PCDHGA2: variants seen among roughly 807,000 people sequenced by gnomAD.
PCDHGA2 encodes the protein protocadherin gamma subfamily A, 2.
In PCDHGA2, 40 loss-of-function variants were observed where a neutral mutation model predicts 59.2. That is an observed-to-expected ratio of 0.68 (90% confidence interval 0.52 to 0.88). The LOEUF is 0.88. PCDHGA2 is among the 40% of genes least tolerant of loss of function. The probability of loss-of-function intolerance (pLI) is 0.00; values close to 1 mark genes in which losing one functional copy is unlikely to be tolerated. For missense variants in PCDHGA2, 1,226 were observed against 1,204.0 expected (o/e 1.02, Z -0.27); for synonymous variants, 560 against 526.0 (o/e 1.06, Z -0.89).
intron 1 of PCDHGA2, among the ~76,000 whole-genome samples, chr5:141,461,288 A>G (rs1049761514): frequency 2.0e-5 from 3 of 152,092 alleles, no homozygotes; most frequent in Admixed American, 1.3e-4. Flanking sequence ...CCCCACATCC[A>G]CACCAACATC....
intron 1 of PCDHGA2, chr5:141,375,806 G>T (rs1223554303): frequency 6.8e-6 from 11 of 1,614,088 alleles, no homozygotes; most frequent in African/African-American, 1.3e-5. Context: ...TTCCACTGGC[G>T]TGGAGCTGGC....
chr5:141,384,986 C>T (rs867210871), intron 1 of PCDHGA2: 11 of 1,613,988 alleles, frequency 6.8e-6, no homozygotes, highest in Middle Eastern at 1.6e-4. Flanking sequence ...CTGGTGGTGG[C>T]GGTGGCCACA....
intron 1 of PCDHGA2, chr5:141,403,212 CG>C (rs1561686781): frequency 6.2e-7 from 1 of 1,613,952 alleles, no homozygotes; most frequent in African/African-American, 1.3e-5. Context: ...TTGGTCACCG[CG>C]GGTAGGATAG....
intron 1 of PCDHGA2, chr5:141,360,021 C>T: frequency 7.7e-7 from 1 of 1,297,264 alleles, no homozygotes; most frequent in Non-Finnish European, 1.0e-6. Context: ...ACAGAGAAGG[C>T]CAGTATAGAT....
intron 1 of PCDHGA2, chr5:141,366,694 C>T: frequency 1.2e-6 from 2 of 1,614,214 alleles, no homozygotes; most frequent in Non-Finnish European, 1.7e-6. Flanking sequence ...GTGAGAAAAG[C>T]GAGCCTCTTC....
intron 1 of PCDHGA2, chr5:141,414,717 C>T: frequency 6.2e-7 from 1 of 1,614,152 alleles, no homozygotes; most frequent in Non-Finnish European, 8.5e-7. Flanking sequence ...TCAACTCAGA[C>T]ACTGGCGTCC....
At chr5:141,421,702 A>G (rs2096594027) in intron 1 of PCDHGA2, 1 of 1,613,950 alleles carries the variant, frequency 6.2e-7, no homozygotes, top group Non-Finnish European at 8.5e-7. Context: ...TCCTAATGCT[A>G]GGGATCCAGA....
At chr5:141,357,830 C>A in intron 1 of PCDHGA2, 1 of 667,688 alleles carries the variant, frequency 1.5e-6, no homozygotes, top group Non-Finnish European at 2.4e-6. Context: ...TTTTGGTCTT[C>A]ATTCAGTTGT....
chr5:141,365,897 G>C, intron 1 of PCDHGA2: 1 of 1,614,214 alleles, frequency 6.2e-7, no homozygotes, highest in East Asian at 2.2e-5. Flanking sequence ...CTTCGACTAT[G>C]AGCAGTTGAG....
intron 1 of PCDHGA2, chr5:141,402,978 T>C (rs746626227): frequency 2.5e-6 from 4 of 1,608,452 alleles, no homozygotes; most frequent in Non-Finnish European, 3.4e-6. Context: ...AAATGCCAGC[T>C]CCGCGGAAGA....
rs1014758036 is a variant in PCDHGA2 at position 141,486,472 on chromosome 5, T to C, written c.2425-8335T>C. The C allele has an allele frequency of 6.2e-7, 1 of 1,614,032 alleles. No homozygotes were observed. Among genetic ancestry groups the C allele is most frequent in the Non-Finnish European group, 8.5e-7 (1 of 1,179,862 alleles). ...TCACTGCTTCTGATGCTGGGAACCC[T>C]CCTCTCAGTACCCACAGAACTATTT... On this transcript the variant is annotated intron_variant, in intron 1 of 3. Coordinates refer to ENST00000394576, the MANE Select transcript of PCDHGA2 (RefSeq NM_018915.4). This position sits in a 1 kb window ranked among gnomAD's most constrained non-coding sequence, Gnocchi z 5.0.
intron 1 of PCDHGA2, chr5:141,362,451 G>A (rs1762506197): frequency 4.3e-6 from 7 of 1,613,994 alleles, no homozygotes; most frequent in South Asian, 1.1e-5. Flanking sequence ...ACATAACCCC[G>A]GAATTGGTTC....
intron 3 of PCDHGA2, among the ~76,000 whole-genome samples, chr5:141,506,444 C>T (rs542906499): frequency 2.1e-5 from 2 of 95,022 alleles, no homozygotes; most frequent in South Asian, 3.6e-4. Flanking sequence ...CGCTCTGTCT[C>T]AAAAAAAAAA....
chr5:141,408,315 C>T lies in PCDHGA2; in HGVS notation c.2424+66920C>T, dbSNP rs757628906. The stretch of plus-strand genomic sequence containing the variant: ...AGTGAGCCGATCCGCTACTCGATTC[C>T]GGAGGAGCTGGCCAAGGGCTCGGTG... On this transcript the variant is annotated intron_variant, in intron 1 of 3. Coordinates refer to ENST00000394576, the MANE Select transcript of PCDHGA2 (RefSeq NM_018915.4). The T allele has an allele frequency of 5.6e-6, 9 of 1,613,712 alleles. No homozygotes were observed. The highest frequency in any genetic ancestry group is 6.8e-6 in the Non-Finnish European group (8 of 1,179,748).
At chr5:141,366,316 TGCCGTG>T in intron 1 of PCDHGA2, 1 of 1,613,764 alleles carries the variant, frequency 6.2e-7, no homozygotes, top group African/African-American at 1.3e-5. Context: ...CGGTCACCGT[TGCCGTG>T]GCCGACAGGA....
At chr5:141,413,572 A>C in intron 1 of PCDHGA2, 2 of 1,613,890 alleles carry the variant, frequency 1.2e-6, no homozygotes, top group Non-Finnish European at 1.7e-6. Context: ...TATCAATGAC[A>C]ATGCTCCAAA....
chr5:141,485,993 A>C lies in PCDHGA2; in HGVS notation c.2425-8814A>C. 6.2e-7 allele frequency: 1 copy of C among 1,614,210 alleles called. No homozygotes were observed. Among genetic ancestry groups the C allele is most frequent in the Non-Finnish European group, 8.5e-7 (1 of 1,180,028 alleles). On this transcript the variant is annotated intron_variant, in intron 1 of 3. Coordinates refer to ENST00000394576, the MANE Select transcript of PCDHGA2 (RefSeq NM_018915.4). The surrounding 1 kb of genome is among the most constrained non-coding windows in gnomAD (Gnocchi z 5.7). ...TGCCTCAGACCCGGACCTGGGTCCC[A>C]GTGGTAACGTCACCTTTTATTTCAG...
At chr5:141,393,259 G>A in intron 1 of PCDHGA2, 1 of 1,613,874 alleles carries the variant, frequency 6.2e-7, no homozygotes, top group Non-Finnish European at 8.5e-7. Context: ...GCGGTTCCTG[G>A]AGCACGTTAT....
chr5:141,395,248 T>G lies in PCDHGA2; in HGVS notation c.2424+53853T>G, dbSNP rs1300416039. The G allele has an allele frequency of 4.5e-6, 7 of 1,561,360 alleles. No individual in the cohort carries two copies. In the Admixed American group the frequency reaches 1.4e-4, roughly 31 times the overall value. On this transcript the variant is annotated intron_variant, in intron 1 of 3. Transcript: ENST00000394576. ...GCTGATCATGGTCAGGTGAGTTTAG[T>G]TCTTTGCTTGCTTTTAATTTCCAGA...
Sources: gnomAD v4.1 joint callset for allele counts (sites outside exome capture counted in the v4.1 genomes callset) on GRCh38, gnomAD v4.1.1 for gene constraint, Gnocchi (gnomAD v3.1) non-coding constraint, MANE v1.5 for transcripts, NCBI Gene and HGNC (gene_info 2026-07-23, HGNC 2026-07-21) for gene names.